PDE10A: variants seen among roughly 807,000 people sequenced by gnomAD.
The protein encoded by PDE10A is cAMP and cAMP-inhibited cGMP 3',5'-cyclic phosphodiesterase 10A.
Under a neutral mutation model 97.7 loss-of-function variants are expected in PDE10A, and 39 were observed. That is an observed-to-expected ratio of 0.40 (90% CI 0.31 to 0.52). The LOEUF (loss-of-function observed/expected upper bound fraction) is 0.52. Ranked by LOEUF, PDE10A falls within the 20% of genes least tolerant of loss-of-function variation. The probability of loss-of-function intolerance (pLI) is 0.56; values close to 1 mark genes in which losing one functional copy is unlikely to be tolerated. For synonymous variants in PDE10A, 371 were observed against 376.8 expected (o/e 0.98, Z 0.18); for missense variants, 731 against 1,047.8 (o/e 0.70, Z 4.17).
intron 13 of PDE10A, among the ~76,000 whole-genome samples, chr6:165,412,779 A>C (rs774822415): frequency 7.9e-5 from 12 of 152,142 alleles, no homozygotes; most frequent in Non-Finnish European, 1.3e-4. Context: ...TTAAGGGGGC[A>C]ACTGAATGTA....
intron 1 of PDE10A, among the ~76,000 whole-genome samples, chr6:165,765,359 G>C (rs990668747): frequency 1.3e-5 from 2 of 152,220 alleles, no homozygotes; most frequent in East Asian, 1.9e-4. Context: ...GGGGAGGCTC[G>C]GGCTGCACAG....
chr6:165,394,238 C>T (rs890622281), intron 15 of PDE10A, among the ~76,000 whole-genome samples: 27 of 152,238 alleles, frequency 1.8e-4, no homozygotes, highest in Middle Eastern at 3.4e-3. Flanking sequence ...CCCCAACAGG[C>T]CCCAGTGTGT....
chr6:165,555,272 C>A (rs773736900), intron 1 of PDE10A, among the ~76,000 whole-genome samples: 47 of 152,226 alleles, frequency 3.1e-4, no homozygotes, highest in South Asian at 6.2e-4. Context: ...AAATCTCTCA[C>A]GTACGCCATA....
intron 1 of PDE10A, among the ~76,000 whole-genome samples, chr6:165,837,844 C>G (rs1780109711): frequency 6.6e-6 from 1 of 151,964 alleles, no homozygotes; most frequent in Non-Finnish European, 1.5e-5. Flanking sequence ...CGCCACCACA[C>G]CCGGCTAATT....
At chr6:165,695,001 T>G (rs1263038251) in intron 1 of PDE10A, among the ~76,000 whole-genome samples, 1 of 152,190 alleles carries the variant, frequency 6.6e-6, no homozygotes, top group African/African-American at 2.4e-5. Flanking sequence ...ATGAAGTCAA[T>G]GGAAAATTAC....
At chr6:165,643,435 A>G (rs1789242427) in intron 1 of PDE10A, among the ~76,000 whole-genome samples, 1 of 152,156 alleles carries the variant, frequency 6.6e-6, no homozygotes, top group South Asian at 2.1e-4. Flanking sequence ...CTAGGAACAG[A>G]GCCTTTTCAG....
intron 13 of PDE10A, among the ~76,000 whole-genome samples, chr6:165,398,391 G>T (rs551884193): frequency 1.3e-5 from 2 of 151,676 alleles, no homozygotes; most frequent in South Asian, 4.2e-4. Context: ...TGAGGCATGA[G>T]AATCATTTGA....
chr6:165,684,850 C>T (rs9282989), intron 1 of PDE10A, among the ~76,000 whole-genome samples: 137,684 of 152,292 alleles, frequency 0.9, 62,398 homozygotes, highest in African/African-American at 0.94. Flanking sequence ...CTGTCATGCA[C>T]GGTCTCAAGA....
intron 1 of PDE10A, among the ~76,000 whole-genome samples, chr6:165,905,546 T>C (rs1782237447): frequency 6.6e-6 from 1 of 152,196 alleles, no homozygotes; most frequent in Non-Finnish European, 1.5e-5. Context: ...CATATGTATA[T>C]ACATATATGA....
chr6:165,823,983 G>T (rs1202249360), intron 1 of PDE10A, among the ~76,000 whole-genome samples: 3 of 152,288 alleles, frequency 2.0e-5, no homozygotes, highest in African/African-American at 4.8e-5. Context: ...GGTTTCATTG[G>T]TTTGCCTAGT....
chr6:165,540,632 C>A lies in PDE10A; in HGVS notation c.994+2808G>T, dbSNP rs1442064430. ...AAGGAGAATAAGGCATACTTGAGAA[C>A]GGGACTTTCTTTTTTTGTTTGTTTG... On this transcript the variant is annotated intron_variant, in intron 2 of 21. Transcript: ENST00000539869. 2.6e-5 allele frequency among the ~76,000 whole-genome samples: 4 copies of A among 151,970 alleles called. No individual in the cohort carries two copies. In the East Asian group the frequency reaches 7.7e-4, roughly 29 times the overall value.
intron 1 of PDE10A, among the ~76,000 whole-genome samples, chr6:165,744,774 A>G (rs1011332083): frequency 6.6e-6 from 1 of 152,008 alleles, no homozygotes; most frequent in African/African-American, 2.4e-5. Flanking sequence ...CTCCTTTAAA[A>G]CATTTTATTT....
intron 1 of PDE10A, among the ~76,000 whole-genome samples, chr6:165,709,540 C>G (rs1384088688): frequency 1.0e-5 from 1 of 95,368 alleles, no homozygotes; most frequent in Non-Finnish European, 2.1e-5. Context: ...CGCTCTCCCT[C>G]CCCTCCACTC....
intron 3 of PDE10A, among the ~76,000 whole-genome samples, chr6:165,471,082 T>G (rs1434305073): frequency 2.0e-5 from 3 of 152,186 alleles, no homozygotes; most frequent in Non-Finnish European, 2.9e-5. Context: ...CAGCTTTCAG[T>G]GAGGTCACCA....
chr6:165,872,871 C>T (rs1444636939), intron 1 of PDE10A, among the ~76,000 whole-genome samples: 1 of 152,180 alleles, frequency 6.6e-6, no homozygotes, highest in Non-Finnish European at 1.5e-5. Flanking sequence ...ATGCTATGTG[C>T]TTGTGGACAT....
At chr6:165,367,810 A>G (rs1414608515) in intron 18 of PDE10A, among the ~76,000 whole-genome samples, 2 of 150,046 alleles carry the variant, frequency 1.3e-5, no homozygotes, top group East Asian at 1.9e-4. Context: ...AAAAAAAAAC[A>G]AAAACAAAAA....
intron 1 of PDE10A, among the ~76,000 whole-genome samples, chr6:165,618,527 T>G (rs1262216193): frequency 6.6e-6 from 1 of 152,024 alleles, no homozygotes; most frequent in Non-Finnish European, 1.5e-5. Context: ...AACCAAGACA[T>G]TAAGGAAACA....
chr6:165,646,296 G>A (rs765373996), intron 1 of PDE10A, among the ~76,000 whole-genome samples: 27 of 152,222 alleles, frequency 1.8e-4, no homozygotes, highest in Non-Finnish European at 1.9e-4. Context: ...AACCTAGGTG[G>A]AGCCTATCAT....
chr6:165,987,333 A>G (rs1323434405), intron 1 of PDE10A, among the ~76,000 whole-genome samples: 1 of 152,112 alleles, frequency 6.6e-6, no homozygotes, highest in Non-Finnish European at 1.5e-5. Context: ...GAGTCCACTC[A>G]TCACCCTTTC....
Sources: gnomAD v4.1 joint callset for allele counts (sites outside exome capture counted in the v4.1 genomes callset) on GRCh38, gnomAD v4.1.1 for gene constraint, MANE v1.5 for transcripts, NCBI Gene and HGNC (gene_info 2026-07-23, HGNC 2026-07-21) for gene names.